DPRX: variants seen among roughly 807,000 people sequenced by gnomAD.
DPRX encodes divergent-paired related homeobox.
Under a neutral mutation model 8.4 loss-of-function variants are expected in DPRX, and 11 were observed. That is an observed-to-expected ratio of 1.31 (90% CI 0.82 to 2.17). The LOEUF (loss-of-function observed/expected upper bound fraction) is 2.17. DPRX is among the 30% of genes most tolerant of loss of function. The pLI is 0.00. For synonymous variants in DPRX, 72 were observed against 87.0 expected, an observed-to-expected ratio of 0.83 and a Z score of 0.96; for missense variants, 211 against 236.7, an observed-to-expected ratio of 0.89 and a Z score of 0.71.
the DPRX span, among the ~76,000 whole-genome samples, chr19:53,623,377 G>C: frequency 6.7e-6 from 1 of 150,168 alleles, no homozygotes; most frequent in Non-Finnish European, 1.5e-5. Flanking sequence ...GGTGGCTCAC[G>C]CCTGTAATCC....
chr19:53,608,970 A>AAAAG, the DPRX span, among the ~76,000 whole-genome samples: 6 of 121,126 alleles, frequency 5.0e-5, no homozygotes, highest in Non-Finnish European at 8.5e-5. Flanking sequence ...AAAAAAAAAA[A>AAAAG]AAAAGGAAAG....
the DPRX span, among the ~76,000 whole-genome samples, chr19:53,623,670 G>T: frequency 7.0e-3 from 1,009 of 144,868 alleles, 10 homozygotes; most frequent in African/African-American, 0.024. Flanking sequence ...CTGGCCTGGC[G>T]CAATGGCTCA....
the DPRX span, among the ~76,000 whole-genome samples, chr19:53,610,998 G>A: frequency 6.6e-6 from 1 of 152,024 alleles, no homozygotes; most frequent in Non-Finnish European, 1.5e-5. Flanking sequence ...CGCCTCCCAG[G>A]TTCAAACGAT....
chr19:53,634,727 T>A, intron 2 of DPRX, 42 bp downstream of exon 2: 1 of 1,588,096 alleles, frequency 6.3e-7, no homozygotes, highest in Non-Finnish European at 8.5e-7. Context: ...GCCTTCCTGA[T>A]CTAATCTAAA....
the DPRX span, among the ~76,000 whole-genome samples, chr19:53,619,042 T>G: frequency 6.6e-6 from 1 of 152,118 alleles, no homozygotes. Context: ...CCTTTCATTT[T>G]CATGTCCTTT....
At chr19:53,628,372 C>T (rs1321514643), upstream of DPRX, among the ~76,000 whole-genome samples, 97 of 152,234 alleles carry the variant, frequency 6.4e-4, no homozygotes, top group African/African-American at 2.1e-3. Context: ...ATAATCAGTC[C>T]TTGGGTTTAG....
chr19:53,630,431 A>G (rs1169815509), upstream of DPRX, among the ~76,000 whole-genome samples: 1 of 151,944 alleles, frequency 6.6e-6, no homozygotes. Flanking sequence ...GTGCACCTGT[A>G]GTCCCAGTTA....
upstream of DPRX, among the ~76,000 whole-genome samples, chr19:53,631,052 G>A (rs2091090681): frequency 6.6e-6 from 1 of 151,898 alleles, no homozygotes; most frequent in African/African-American, 2.4e-5. Flanking sequence ...TCGCCATGTT[G>A]GCCAGGCTGG....
the DPRX span, chr19:53,602,267 GGTGTGTGTGTGTGTGTGTGTGT>G: frequency 3.2e-5 from 9 of 277,304 alleles, no homozygotes; most frequent in South Asian, 5.8e-5. Context: ...TATGGGTATG[GGTGTGTGTGTGTGTGTGTGTGT>G]GTGTGTGTGT....
chr19:53,608,586 C>T, the DPRX span: 1 of 152,350 alleles, frequency 6.6e-6, no homozygotes, highest in Non-Finnish European at 1.5e-5. Flanking sequence ...GAAAACGTTT[C>T]CCAATTAGAT....
At chr19:53,631,624 G>C (rs966815139), upstream of DPRX, among the ~76,000 whole-genome samples, 8 of 152,064 alleles carry the variant, frequency 5.3e-5, no homozygotes, top group Non-Finnish European at 8.8e-5. Flanking sequence ...GTCAGGAGTG[G>C]TGGCACAGGC....
At chr19:53,625,689 G>A in the DPRX span, among the ~76,000 whole-genome samples, 2 of 151,154 alleles carry the variant, frequency 1.3e-5, no homozygotes, top group Admixed American at 1.3e-4. Flanking sequence ...CCAGGCTGGA[G>A]GGCAATGGTG....
chr19:53,631,905 A>G (rs2091094148), upstream of DPRX, among the ~76,000 whole-genome samples: 1 of 152,104 alleles, frequency 6.6e-6, no homozygotes, highest in South Asian at 2.1e-4. Context: ...CCGCTCAATC[A>G]ATATTAGATA....
chr19:53,612,212 C>A, the DPRX span, among the ~76,000 whole-genome samples: 2 of 151,666 alleles, frequency 1.3e-5, no homozygotes, highest in Non-Finnish European at 2.9e-5. Flanking sequence ...AGGAAGACCC[C>A]ATCTCTACAA....
At chr19:53,610,386 C>T in the DPRX span, among the ~76,000 whole-genome samples, 25,668 of 151,744 alleles carry the variant, frequency 0.17, 2,268 homozygotes, top group South Asian at 0.28. Flanking sequence ...TCCTAGATGC[C>T]GTGACATGAT....
At chr19:53,627,051 C>G in the DPRX span, among the ~76,000 whole-genome samples, 2 of 152,076 alleles carry the variant, frequency 1.3e-5, no homozygotes, top group Non-Finnish European at 2.9e-5. Context: ...CCAATTTAAT[C>G]CCTCTAAACA....
chr19:53,629,875 G>A (rs2091084935), upstream of DPRX: 1 of 151,592 alleles, frequency 6.6e-6, no homozygotes. Flanking sequence ...TGCCTAAGAA[G>A]TGGGGAAATG....
chr19:53,601,821 G>A, the DPRX span, among the ~76,000 whole-genome samples: 6 of 152,048 alleles, frequency 3.9e-5, no homozygotes, highest in Non-Finnish European at 8.8e-5. Context: ...GGGTGTTCTG[G>A]AAGAGACAGG....
At chr19:53,632,942 A>T (rs977546195) in intron 1 of DPRX, among the ~76,000 whole-genome samples, 4 of 152,174 alleles carry the variant, frequency 2.6e-5, no homozygotes, top group Non-Finnish European at 4.4e-5. Flanking sequence ...TCTCATGTTC[A>T]TGAGCACTTA....
Sources: allele counts gnomAD v4.1 joint callset (sites outside exome capture counted in the v4.1 genomes callset), GRCh38; gene constraint gnomAD v4.1.1; transcripts MANE v1.5; gene names NCBI Gene and HGNC (gene_info 2026-07-23, HGNC 2026-07-21).